Variants in LRRTM4 observed in about 807,000 individuals in gnomAD.
LRRTM4 encodes leucine rich repeat transmembrane neuronal 4.
A neutral mutation model predicts 47.6 loss-of-function variants in LRRTM4; 25 were observed. The ratio of observed to expected loss-of-function variants is 0.53; its 90% CI spans 0.38 to 0.73. The LOEUF (loss-of-function observed/expected upper bound fraction) is 0.73, where lower values mean the gene tolerates loss of function less well. LRRTM4 is among the 30% of genes least tolerant of loss of function. The pLI, the probability that LRRTM4 is intolerant of heterozygous loss-of-function variation, is 0.00. For missense variants in LRRTM4, 638 were observed against 713.4 expected (o/e 0.89, Z 1.20); for synonymous variants, 311 against 269.5 (o/e 1.15, Z -1.51).
At chr2:76,897,549 T>C (rs559516518) in intron 3 of LRRTM4, among the ~76,000 whole-genome samples, 1 of 152,266 alleles carries the variant, frequency 6.6e-6, no homozygotes, top group South Asian at 2.1e-4. Context: ...TTAGATGTGA[T>C]GAAGGAAAAG....
At chr2:77,040,751 A>G (rs1197737015) in intron 3 of LRRTM4, among the ~76,000 whole-genome samples, 2 of 151,514 alleles carry the variant, frequency 1.3e-5, no homozygotes, top group Non-Finnish European at 3.0e-5. Flanking sequence ...GCTCTGGAGA[A>G]GAGAAACTGC....
rs564375333 is a variant in LRRTM4 at position 77,353,860 on chromosome 2, C to T, written c.1551+164458G>A. ...CTTAGCCCAGGAAGGTTCTTGGCTT[C>T]GCAGGAAAGGATTCAAGAGCAAGCC... On this transcript the variant is annotated intron_variant, in intron 3 of 3. Transcript: ENST00000409884. 2.5e-4 allele frequency among the ~76,000 whole-genome samples: 38 copies of T among 152,154 alleles called. 1 individual carries two copies. In the South Asian group the frequency reaches 3.7e-3, roughly 15 times the overall value.
rs77221905 is a variant in LRRTM4, at chr2:77,419,828, T to C, written c.1551+98490A>G. ...AAAAAAAAAAGAAAACTAAGATTAA[T>C]CACACTTGACCAGATGCCTTCCAGA... On this transcript the variant is annotated intron_variant, in intron 3 of 3. Transcript: ENST00000409884. 0.01 allele frequency among the ~76,000 whole-genome samples: 1,549 copies of C among 152,106 alleles called. 70 individuals are homozygous for C. In the East Asian group the frequency reaches 0.14, roughly 14 times the overall value.
intron 3 of LRRTM4, among the ~76,000 whole-genome samples, chr2:76,953,876 A>G (rs763980937): frequency 6.6e-6 from 1 of 151,922 alleles, no homozygotes; most frequent in Non-Finnish European, 1.5e-5. Context: ...GTTACAGAGC[A>G]CAAGAGAGGT....
In LRRTM4 at chr2:77,249,579, T is replaced by C. The variant is rs759080277; in HGVS notation, c.1551+268739A>G. 1.3e-3 allele frequency among the ~76,000 whole-genome samples: 195 copies of C among 152,262 alleles called. 1 individual carries two copies. Among genetic ancestry groups the C allele is most frequent in the Non-Finnish European group, 2.1e-3 (143 of 68,016 alleles). On this transcript the variant is annotated intron_variant, in intron 3 of 3. Transcript: ENST00000409884. ...AACAGATATTCCATATTCCATATTA[T>C]ATGTCATAAGAAAATGGAAATTAAA... is the stretch of plus-strand genomic sequence containing the variant.
intron 3 of LRRTM4, among the ~76,000 whole-genome samples, chr2:77,087,356 T>C (rs1680752773): frequency 6.6e-6 from 1 of 152,226 alleles, no homozygotes; most frequent in Non-Finnish European, 1.5e-5. Flanking sequence ...ATCTCACCCA[T>C]AAAAATCTAC....
intron 3 of LRRTM4, among the ~76,000 whole-genome samples, chr2:77,285,625 A>G (rs1375246713): frequency 6.6e-6 from 1 of 151,310 alleles, no homozygotes; most frequent in Non-Finnish European, 1.5e-5. Flanking sequence ...ATCTGTAATC[A>G]CAGTTACTTG....
At chr2:77,148,461 T>C (rs746199894) in intron 3 of LRRTM4, among the ~76,000 whole-genome samples, 8 of 152,150 alleles carry the variant, frequency 5.3e-5, no homozygotes, top group African/African-American at 7.2e-5. Flanking sequence ...ATACAACTAG[T>C]TGGCATTGCC....
rs954363250 is a variant in LRRTM4, at chr2:77,277,139, C to T, written c.1551+241179G>A. On this transcript the variant is annotated intron_variant, in intron 3 of 3. Transcript: ENST00000409884. The stretch of plus-strand genomic sequence containing the variant: ...TTTTGAAATGATTTTCTGTAATGTG[C>T]CACATACCTCGTTGTTCTCTACTTT... 6.6e-5 allele frequency among the ~76,000 whole-genome samples: 10 copies of T among 152,076 alleles called. No homozygotes were observed. In the East Asian group the frequency reaches 1.7e-3, roughly 27 times the overall value.
chr2:76,814,415 A>T (rs1485090490), intron 3 of LRRTM4, among the ~76,000 whole-genome samples: 1 of 152,066 alleles, frequency 6.6e-6, no homozygotes, highest in Non-Finnish European at 1.5e-5. Context: ...ATTCTTTAAC[A>T]TGAGTATCTA....
chr2:76,760,081 T>G (rs545790330), intron 3 of LRRTM4, among the ~76,000 whole-genome samples: 2 of 152,162 alleles, frequency 1.3e-5, no homozygotes, highest in Non-Finnish European at 2.9e-5. Context: ...ATTTGAGAGA[T>G]ATTTATTAGA....
intron 3 of LRRTM4, among the ~76,000 whole-genome samples, chr2:77,201,013 G>T (rs1371429): frequency 6.6e-6 from 1 of 151,938 alleles, no homozygotes; most frequent in Non-Finnish European, 1.5e-5. Context: ...GCAAGTGTAC[G>T]TAAGCCAGTT....
At position 76,974,199 on chromosome 2, in the gene LRRTM4, T is replaced by TATATATATAC. The variant is rs1558771624; in HGVS notation, c.1552-225284_1552-225283insGTATATATAT. On this transcript the variant is annotated intron_variant, in intron 3 of 3. Transcript: ENST00000409884. ...ATATATATACATACATATATATACA[T>TATATATATAC]ATATATATATACACATATATATACA... Among the ~76,000 whole-genome samples, 45 of 94,796 alleles carry TATATATATAC rather than the reference T, an allele frequency of 4.7e-4. 1 individual carries two copies. Among genetic ancestry groups the TATATATATAC allele is most frequent in the South Asian group, 3.9e-3 (10 of 2,576 alleles). The allele number at this position is 94,796 out of a possible 152,430, so 62.2% of individuals were successfully genotyped here.
In LRRTM4 at chr2:77,454,651, A is replaced by T. The variant is rs530985692; in HGVS notation, c.1551+63667T>A. On this transcript the variant is annotated intron_variant, in intron 3 of 3. Transcript: ENST00000409884. The stretch of plus-strand genomic sequence containing the variant: ...AGAGTACTATGGACATAATCCAGTA[A>T]ATGTCACAGAAATAAAAGGGTTTTT... 3.9e-5 allele frequency among the ~76,000 whole-genome samples: 6 copies of T among 152,260 alleles called. No individual in the cohort carries two copies. In the South Asian group the frequency reaches 6.2e-4, roughly 16 times the overall value.
intron 3 of LRRTM4, among the ~76,000 whole-genome samples, chr2:76,772,394 G>A (rs980328481): frequency 6.6e-6 from 1 of 152,092 alleles, no homozygotes; most frequent in Non-Finnish European, 1.5e-5. Context: ...AAATTAAATG[G>A]GAAAGAAGTA....
At chr2:77,287,854 T>A (rs1336518792) in intron 3 of LRRTM4, among the ~76,000 whole-genome samples, 1 of 152,180 alleles carries the variant, frequency 6.6e-6, no homozygotes, top group African/African-American at 2.4e-5. Context: ...AACAACATAG[T>A]ATACATAGGG....
At chr2:76,816,819 GTTTTTTTTTTTTTT>G (rs201525166) in intron 3 of LRRTM4, among the ~76,000 whole-genome samples, 31 of 96,536 alleles carry the variant, frequency 3.2e-4, no homozygotes, top group East Asian at 4.8e-4. Flanking sequence ...GAGGTAAAGA[GTTTTTTTTTTTTTT>G]TTTTTTTTTT....
intron 3 of LRRTM4, among the ~76,000 whole-genome samples, chr2:77,210,514 TTCTG>T (rs762479247): frequency 6.6e-6 from 1 of 152,216 alleles, no homozygotes; most frequent in Non-Finnish European, 1.5e-5. Flanking sequence ...TGTTTTCCTT[TTCTG>T]TCTCTGTGTC....
At chr2:76,953,902 GTA>G (rs1256093593) in intron 3 of LRRTM4, among the ~76,000 whole-genome samples, 1 of 151,862 alleles carries the variant, frequency 6.6e-6, no homozygotes, top group East Asian at 1.9e-4. Flanking sequence ...GCTTATGACA[GTA>G]TCAGAGAACC....
Sources: allele counts gnomAD v4.1 joint callset (sites outside exome capture counted in the v4.1 genomes callset), GRCh38; gene constraint gnomAD v4.1.1; transcripts MANE v1.5; gene names NCBI Gene and HGNC (gene_info 2026-07-23, HGNC 2026-07-21).